Variants in AFDN observed in about 807,000 individuals in gnomAD.
The protein encoded by AFDN is afadin.
Under a neutral mutation model 216.6 loss-of-function variants are expected in AFDN, and 68 were observed. The ratio of observed to expected loss-of-function variants is 0.31; its 90% confidence interval spans 0.26 to 0.38. The LOEUF (loss-of-function observed/expected upper bound fraction) is 0.38. Among genes scored for constraint, AFDN ranks in the 10% least tolerant of loss-of-function variants. AFDN has a pLI of 1.00. For missense variants in AFDN, 2,136 were observed against 2,342.0 expected (o/e 0.91, Z 1.82); for synonymous variants, 868 against 853.7 (o/e 1.02, Z -0.29).
chr6:167,902,611 G>A (rs1321195555), intron 12 of AFDN, among the ~76,000 whole-genome samples: 1 of 152,150 alleles, frequency 6.6e-6, no homozygotes, highest in Non-Finnish European at 1.5e-5. Flanking sequence ...AGCACACTAA[G>A]ACATTAACAA....
intron 29 of AFDN, among the ~76,000 whole-genome samples, chr6:167,950,861 T>C (rs980606496): frequency 1.3e-5 from 2 of 151,346 alleles, no homozygotes; most frequent in East Asian, 3.9e-4. Flanking sequence ...TTGCTTTTTT[T>C]TTTTTTTTTT....
chr6:167,949,220 A>G (rs1414248616), intron 29 of AFDN, among the ~76,000 whole-genome samples: 1 of 152,238 alleles, frequency 6.6e-6, no homozygotes, highest in Non-Finnish European at 1.5e-5. Context: ...AATTAAAGGT[A>G]TGCTTAAAAA....
Position 167,875,376 on chromosome 6 carries a change from C to A in AFDN, c.620C>A (p.Pro207Gln). 1 of 1,613,360 alleles carries A rather than the reference C, an allele frequency of 6.2e-7. No individual in the cohort carries two copies. The highest frequency in any genetic ancestry group is 8.5e-7 in the Non-Finnish European group (1 of 1,179,674). The change falls in exon 5 of 34, where the codon CCG becomes CAG. Residue 207 changes from proline (P) to glutamine (Q), a missense_variant. Coordinates refer to ENST00000683244, the MANE Select transcript of AFDN (RefSeq NM_001386888.1). Reference protein sequence around the residue: ...RLAAEVYKDMPETSFTRTISN... With the variant: ...RLAAEVYKDMQETSFTRTISN... ...GCTGCTGAGGTTTACAAAGACATGC[C>A]GGAAACCAGCTTTACTCGAACCATT... is the stretch of plus-strand genomic sequence containing the variant.
chr6:167,835,728 C>G (rs977114064), intron 1 of AFDN, among the ~76,000 whole-genome samples: 1 of 152,108 alleles, frequency 6.6e-6, no homozygotes, highest in African/African-American at 2.4e-5. Flanking sequence ...CATGCAAATT[C>G]CAACAAAATG....
rs1790662491 is a variant in AFDN at position 167,913,440 on chromosome 6, G to A, written c.2058+17G>A. ...GTTGACCAGGTAGGACATCTGCTGG[G>A]AGCTGATCCTAGCTGTGTTGCTTAG... On this transcript the variant is annotated intron_variant, in intron 16 of 33. Transcript: ENST00000683244. The A allele has an allele frequency of 1.3e-6, 2 of 1,535,522 alleles. No homozygotes were observed. The highest frequency in any genetic ancestry group is 1.4e-5 in the African/African-American group (1 of 72,998).
intron 30 of AFDN, among the ~76,000 whole-genome samples, chr6:167,956,172 G>A (rs1796501638): frequency 6.7e-6 from 1 of 149,382 alleles, no homozygotes; most frequent in African/African-American, 2.5e-5. Context: ...AGAATTGGCA[G>A]GTTACCCTAG....
chr6:167,906,090 G>A (rs1184423504), intron 12 of AFDN, among the ~76,000 whole-genome samples: 1 of 152,136 alleles, frequency 6.6e-6, no homozygotes, highest in Non-Finnish European at 1.5e-5. Context: ...GTGACAGAGC[G>A]AGACTCCGTC....
Position 167,970,936 on chromosome 6 carries a change from G to C in AFDN, c.*1001G>C. On this transcript the variant is annotated 3_prime_UTR_variant, in exon 34 of 34. Coordinates refer to ENST00000683244, the MANE Select transcript of AFDN (RefSeq NM_001386888.1). ...GAAGGAATTCAGTTACAGGGCATCT[G>C]TAACTTAAATATTGTAAGAATAACT... The C allele has an allele frequency of 4.7e-6, 1 of 211,566 alleles. No individual in the cohort carries two copies. Among genetic ancestry groups the C allele is most frequent in the East Asian group, 7.1e-5 (1 of 14,004 alleles). The allele number at this position is 211,566 out of a possible 1,614,324, so 13.1% of individuals were successfully genotyped here. A position where few individuals can be genotyped will look rare whatever the true frequency, so the allele number is the denominator to read the frequency against.
intron 2 of AFDN, among the ~76,000 whole-genome samples, chr6:167,866,443 G>T (rs886211144): frequency 6.6e-6 from 1 of 152,106 alleles, no homozygotes; most frequent in Non-Finnish European, 1.5e-5. Context: ...TAATGGCACC[G>T]CTAGGCCAGA....
chr6:167,902,092 CAAAA>C (rs35449284), intron 11 of AFDN, among the ~76,000 whole-genome samples: 3 of 82,178 alleles, frequency 3.7e-5, no homozygotes, highest in Admixed American at 1.2e-4. Flanking sequence ...GACTTCATCT[CAAAA>C]AAAAAAAAAA....
chr6:167,878,575 C>T (rs893066345), intron 5 of AFDN, among the ~76,000 whole-genome samples: 2 of 144,198 alleles, frequency 1.4e-5, no homozygotes, highest in African/African-American at 5.0e-5. Flanking sequence ...TGCACGCACG[C>T]ACACACACCC....
At chr6:167,881,756 G>A (rs1356178553) in intron 6 of AFDN, among the ~76,000 whole-genome samples, 2 of 152,170 alleles carry the variant, frequency 1.3e-5, no homozygotes, top group African/African-American at 2.4e-5. Flanking sequence ...AGTAGCACAA[G>A]GTGACAAGGG....
chr6:167,876,910 A>G (rs1317966144), intron 5 of AFDN, among the ~76,000 whole-genome samples: 2 of 152,108 alleles, frequency 1.3e-5, no homozygotes, highest in Non-Finnish European at 2.9e-5. Flanking sequence ...GCTGTTGAAG[A>G]GTTTTAAGCT....
chr6:167,907,211 C>G lies in AFDN; in HGVS notation c.1691C>G (p.Ser564Cys). Residue 564 changes from serine to cysteine, a missense_variant, in exon 13 of 34, where the codon TCT becomes TGT. Coordinates refer to ENST00000683244, the MANE Select transcript of AFDN (RefSeq NM_001386888.1). ...GACAGCGACAGAGTGTCGTCTGCCTCTAGCACAGCCGAGCGGGGAATGGTG... is the reference window on the plus strand; with the variant it reads ...GACAGCGACAGAGTGTCGTCTGCCTGTAGCACAGCCGAGCGGGGAATGGTG... ...RLDSDRVSSA[S>C]STAERGMVKP... 6.2e-7 allele frequency: 1 copy of G among 1,614,170 alleles called. No homozygotes were observed. Among genetic ancestry groups the G allele is most frequent in the Non-Finnish European group, 8.5e-7 (1 of 1,180,018 alleles).
chr6:167,944,118 A>C, intron 26 of AFDN, 59 bp downstream of exon 26: 2 of 1,334,752 alleles, frequency 1.5e-6, no homozygotes, highest in Non-Finnish European at 2.1e-6. Context: ...GAATGGTCAC[A>C]AAACCCCCAT....
At chr6:167,944,779 G>GT (rs1039976032) in intron 26 of AFDN, among the ~76,000 whole-genome samples, 9 of 149,814 alleles carry the variant, frequency 6.0e-5, no homozygotes, top group African/African-American at 2.0e-4. Flanking sequence ...AAAAACTACA[G>GT]TTAAAAAAAA....
chr6:167,962,768 C>G lies in AFDN; in HGVS notation c.4968+201C>G. 1 of 1,412,756 alleles carries G rather than the reference C, an allele frequency of 7.1e-7. No individual in the cohort carries two copies. The highest frequency in any genetic ancestry group is 9.2e-7 in the Non-Finnish European group (1 of 1,085,300). 87.5% of individuals were successfully genotyped at this position (1,412,756 alleles called of 1,614,324 possible). A position where few individuals can be genotyped will look rare whatever the true frequency, so the allele number is the denominator to read the frequency against. On this transcript the variant is annotated intron_variant, in intron 31 of 33. Coordinates refer to ENST00000683244, the MANE Select transcript of AFDN (RefSeq NM_001386888.1). The surrounding 1 kb of genome is among the most constrained non-coding windows in gnomAD (Gnocchi z 5.2). ...CCTCTCTTCTGGACTGTCTCCAGAT[C>G]CCCTTATCTGCCAAGTTTTGTCTCC...
chr6:167,853,835 G>A (rs780666429), intron 1 of AFDN, among the ~76,000 whole-genome samples: 1 of 152,000 alleles, frequency 6.6e-6, no homozygotes, highest in African/African-American at 2.4e-5. Context: ...TAATGGCACC[G>A]TTTTATTCCA....
intron 28 of AFDN, 137 bp downstream of exon 28, chr6:167,948,081 T>A (rs993686937): frequency 2.5e-6 from 2 of 803,014 alleles, no homozygotes; most frequent in African/African-American, 3.5e-5. Flanking sequence ...GTGTTTTATC[T>A]TTTGATTTTT....
Sources: gnomAD v4.1 joint callset for allele counts (sites outside exome capture counted in the v4.1 genomes callset) on GRCh38, gnomAD v4.1.1 for gene constraint, Gnocchi (gnomAD v3.1) non-coding constraint, MANE v1.5 for transcripts, NCBI Gene and HGNC (gene_info 2026-07-23, HGNC 2026-07-21) for gene names.